Variants in ITGA3 observed in about 807,000 individuals in gnomAD.
ITGA3 encodes the protein integrin subunit alpha 3.
Under a neutral mutation model 131.1 loss-of-function variants are expected in ITGA3, and 70 were observed. The observed-to-expected ratio is 0.53, with a 90% CI of 0.44 to 0.65. The LOEUF (loss-of-function observed/expected upper bound fraction) is 0.65. Ranked by LOEUF, ITGA3 falls within the 30% of genes least tolerant of loss-of-function variation. The pLI is 0.00. For missense variants in ITGA3, 1,098 were observed against 1,388.6 expected (o/e 0.79, Z 3.33); for synonymous variants, 537 against 571.6 (o/e 0.94, Z 0.86).
In ITGA3 at chr17:50,077,049, C is replaced by G. The variant is rs1186953687; in HGVS notation, c.1998C>G (p.Ser666=). The G allele has an allele frequency of 2.6e-5, 42 of 1,606,996 alleles. No individual in the cohort carries two copies. The highest frequency in any genetic ancestry group is 3.6e-5 in the Non-Finnish European group (42 of 1,176,490). ...NVTNTRTSER[S]GEDAHEALLT... The stretch of plus-strand genomic sequence containing the variant: ...CGAACACCCGGACCTCGGAGCGCTC[C>G]GGGGAGGACGCCCACGAGGCGCTGC... Residue 666 remains serine (S), a synonymous_variant, in exon 15 of 26, where the codon TCC becomes TCG. Coordinates refer to ENST00000320031, the MANE Select transcript of ITGA3 (RefSeq NM_002204.4).
At chr17:50,086,383 A>G (rs1377178745) in intron 23 of ITGA3, 1 of 150,446 alleles carries the variant, frequency 6.6e-6, no homozygotes, top group African/African-American at 2.4e-5. Flanking sequence ...AGAAGTGAAA[A>G]TCATGTATAG....
In ITGA3 at chr17:50,082,882, A is replaced by G. The variant is rs184381409; in HGVS notation, c.2919+1474A>G. ...CTTCCACCCAAATTATTCCAGTCTC[A>G]GTAGGATTCAGGAAACTTGAAAAAG... is the stretch of plus-strand genomic sequence containing the variant. On this transcript the variant is annotated intron_variant, in intron 23 of 25. Coordinates refer to ENST00000320031, the MANE Select transcript of ITGA3 (RefSeq NM_002204.4). Among the ~76,000 whole-genome samples the G allele has an allele frequency of 1.7e-3, 252 of 152,352 alleles. 1 individual carries two copies. Among genetic ancestry groups the G allele is most frequent in the African/African-American group, 5.8e-3 (242 of 41,584 alleles).
At chr17:50,063,999 A>G (rs1908207299) in intron 1 of ITGA3, 78 bp from the exon 2 acceptor site, 1 of 1,552,206 alleles carries the variant, frequency 6.4e-7, no homozygotes, top group Non-Finnish European at 8.7e-7. Flanking sequence ...CTGTAAATGT[A>G]TGTTGAATAA....
At position 50,064,761 on chromosome 17, in the gene ITGA3, C is replaced by A. The variant is rs1054807041; in HGVS notation, c.414+154C>A. The stretch of plus-strand genomic sequence containing the variant: ...CCTTCCTGTGGCTGTGTGTCCCTCG[C>A]TCTCTGCACTCCTGGGGAGGGGGTG... On this transcript the variant is annotated intron_variant, in intron 3 of 25. Transcript: ENST00000320031. This position sits in a 1 kb window ranked among gnomAD's most constrained non-coding sequence, Gnocchi z 4.4. 3.0e-5 allele frequency: 18 copies of A among 601,604 alleles called. No individual in the cohort carries two copies. The highest frequency in any genetic ancestry group is 2.6e-4 in the African/African-American group (14 of 53,114). The allele number at this position is 601,604 out of a possible 1,614,324, so 37.3% of individuals were successfully genotyped here.
chr17:50,079,298 G>A (rs1909072404), intron 20 of ITGA3, 40 bp downstream of exon 20: 1 of 1,598,962 alleles, frequency 6.3e-7, no homozygotes, highest in Non-Finnish European at 8.6e-7. Flanking sequence ...GCATGCTACA[G>A]GGCAGAAAGG....
At chr17:50,088,158 G>A in intron 24 of ITGA3, 67 bp from the exon 25 acceptor site, 2 of 1,506,406 alleles carry the variant, frequency 1.3e-6, no homozygotes, top group Non-Finnish European at 8.9e-7. Flanking sequence ...CCTGGTCCAC[G>A]AGTGCTGCTG....
intron 15 of ITGA3, 68 bp downstream of exon 15, chr17:50,077,189 G>A: frequency 1.4e-6 from 2 of 1,465,210 alleles, no homozygotes; most frequent in South Asian, 1.3e-5. Flanking sequence ...CCATATCCAT[G>A]TCCTGTGCAG....
chr17:50,087,820 T>A lies in ITGA3; in HGVS notation c.2996T>A (p.Val999Glu). The A allele has an allele frequency of 1.2e-6, 2 of 1,611,672 alleles. No homozygotes were observed. The highest frequency in any genetic ancestry group is 1.7e-6 in the Non-Finnish European group (2 of 1,179,050). The change falls in exon 24 of 26, where the codon GTG becomes GAG. Residue 999 changes from valine (V) to glutamate (E), a missense_variant. Physicochemically the swap from Val to Glu is moderately radical, Grantham distance 121 (BLOSUM62 -2). This residue lies in a region of ITGA3 where 699 missense variants were observed against 829.2 expected (regional missense o/e 0.84). Transcript: ENST00000320031. ...GAGCTGTGGCTGGTGCTGGTGGCCGTGGGTGCAGGGCTGCTGCTGCTGGGG... is the reference window on the plus strand; with the variant it reads ...GAGCTGTGGCTGGTGCTGGTGGCCGAGGGTGCAGGGCTGCTGCTGCTGGGG... ...EIELWLVLVAVGAGLLLLGLI... is the reference protein window; with the variant it reads ...EIELWLVLVAEGAGLLLLGLI...
intron 10 of ITGA3, among the ~76,000 whole-genome samples, chr17:50,074,992 G>A (rs115733800): frequency 0.014 from 2,187 of 152,322 alleles, 42 homozygotes; most frequent in African/African-American, 0.05. Context: ...GCACAGCACT[G>A]TGTATACCCT....
intron 4 of ITGA3, among the ~76,000 whole-genome samples, chr17:50,069,597 T>C (rs1298439823): frequency 6.6e-6 from 1 of 152,116 alleles, no homozygotes; most frequent in African/African-American, 2.4e-5. Flanking sequence ...GCCCAGGAGG[T>C]TGAGGCTGCA....
At chr17:50,075,103 C>G (rs1365411611) in intron 10 of ITGA3, among the ~76,000 whole-genome samples, 1 of 152,160 alleles carries the variant, frequency 6.6e-6, no homozygotes, top group African/African-American at 2.4e-5. Context: ...AAGACAAAGG[C>G]AGACAGAGCA....
At chr17:50,063,974 C>T (rs1908206582) in intron 1 of ITGA3, 103 bp from the exon 2 acceptor site, 1 of 1,479,354 alleles carries the variant, frequency 6.8e-7, no homozygotes, top group African/African-American at 1.4e-5. Flanking sequence ...CTGGGGGTCT[C>T]CTGGCACCAA....
chr17:50,065,225 T>G (rs1908283120), intron 3 of ITGA3: 1 of 152,266 alleles, frequency 6.6e-6, no homozygotes, highest in South Asian at 2.1e-4. Context: ...AAGGCTTGCC[T>G]TGCTCCTGGT....
chr17:50,084,745 C>T (rs191815474), intron 23 of ITGA3, among the ~76,000 whole-genome samples: 33 of 152,064 alleles, frequency 2.2e-4, no homozygotes, highest in Non-Finnish European at 2.9e-5. Flanking sequence ...CAAAGTGAGA[C>T]CCATCTCTAC....
intron 22 of ITGA3, 21 bp downstream of exon 22, chr17:50,080,396 G>A (rs1247532896): frequency 1.3e-6 from 2 of 1,488,168 alleles, no homozygotes; most frequent in Admixed American, 3.4e-5. Flanking sequence ...GGGTCTGAAG[G>A]TCTCTCCTAC....
chr17:50,076,921 G>C (rs1352500631), intron 14 of ITGA3, 53 bp from the exon 15 acceptor site: 1 of 1,565,908 alleles, frequency 6.4e-7, no homozygotes, highest in Non-Finnish European at 8.7e-7. Flanking sequence ...TAGTTGATCC[G>C]GGAGTGCCCT....
At chr17:50,088,191 C>T (rs530825821) in intron 24 of ITGA3, 34 bp from the exon 25 acceptor site, 8 of 1,543,904 alleles carry the variant, frequency 5.2e-6, no homozygotes, top group East Asian at 4.9e-5. Context: ...CAGCGCCCCC[C>T]TGATGGCCCG....
At chr17:50,080,010 CCT>C (rs1909111654) in intron 21 of ITGA3, among the ~76,000 whole-genome samples, 2 of 152,082 alleles carry the variant, frequency 1.3e-5, no homozygotes, top group Admixed American at 1.3e-4. Flanking sequence ...GCGGTTGGGC[CCT>C]GTTTACACAA....
chr17:50,078,834 C>T lies in ITGA3; in HGVS notation c.2308C>T (p.Arg770Trp), dbSNP rs200113398. The change falls in exon 19 of 26, where the codon CGG (arginine) becomes TGG (tryptophan). Residue 770 changes from arginine to tryptophan, a missense_variant. Physicochemically the swap from Arg to Trp is moderately radical, Grantham distance 101. This residue lies in a region of ITGA3 where 699 missense variants were observed against 829.2 expected (regional missense o/e 0.84). Coordinates refer to ENST00000320031, the MANE Select transcript of ITGA3 (RefSeq NM_002204.4). Reference protein sequence around the residue: ...LQTSLSMVNHRLQSFFGGTVM... With the variant: ...LQTSLSMVNHWLQSFFGGTVM... ...CCTTCTTACCCCTAGGGTAAATCAC[C>T]GGCTACAAAGCTTCTTTGGGGGGAC... The T allele has an allele frequency of 1.0e-4, 164 of 1,608,446 alleles. No homozygotes were observed. In the South Asian group the frequency reaches 1.3e-3, roughly 13 times the overall value.
Sources: allele counts gnomAD v4.1 joint callset (sites outside exome capture counted in the v4.1 genomes callset), GRCh38; gene constraint gnomAD v4.1.1; regional missense constraint gnomAD v4.1.1; non-coding constraint Gnocchi (gnomAD v3.1); transcripts MANE v1.5; gene names NCBI Gene and HGNC (gene_info 2026-07-23, HGNC 2026-07-21).